NCS1: variants seen among roughly 807,000 people sequenced by gnomAD.
NCS1 encodes the protein neuronal calcium sensor 1, also known as frequenin homolog.
Under a neutral mutation model 28.4 loss-of-function variants are expected in NCS1, and 6 were observed. The observed-to-expected ratio is 0.21, with a 90% CI of 0.12 to 0.42. The LOEUF (loss-of-function observed/expected upper bound fraction) is 0.42. Among genes scored for constraint, NCS1 ranks in the 10% least tolerant of loss-of-function variants. The pLI is 1.00. For synonymous variants in NCS1, 86 were observed against 99.3 expected (o/e 0.87, Z 0.79); for missense variants, 131 against 241.4 (o/e 0.54, Z 3.03).
Position 130,172,444 on chromosome 9 carries a change from G to A in NCS1, c.-220G>A, listed in dbSNP as rs1554904138. The A allele has an allele frequency of 2.1e-5, 3 of 145,080 alleles. No individual in the cohort carries two copies. The highest frequency in any genetic ancestry group is 7.4e-5 in the African/African-American group (3 of 40,548). The allele number at this position is 145,080 out of a possible 1,614,324, so 9.0% of individuals were successfully genotyped here. ...CCGCGGCCACACCGCGCCGGCGCCG[G>A]CGCCCAGCCCAGGCAGCCCCGCGCC... On this transcript the variant is annotated 5_prime_UTR_variant, in exon 1 of 8. Coordinates refer to ENST00000372398, the MANE Select transcript of NCS1 (RefSeq NM_014286.4).
In NCS1 at chr9:130,223,091, G is replaced by A. The variant is rs1406411459; in HGVS notation, c.406G>A (p.Val136Met). The A allele has an allele frequency of 3.7e-6, 6 of 1,613,928 alleles. No individual in the cohort carries two copies. The highest frequency in any genetic ancestry group is 1.1e-5 in the South Asian group (1 of 91,064). Residue 136 changes from valine to methionine, a missense_variant, in exon 6 of 8, where the codon GTG becomes ATG. This residue lies in a region of NCS1 where 100 missense variants were observed against 210.3 expected (regional missense o/e 0.48). Coordinates refer to ENST00000372398, the MANE Select transcript of NCS1 (RefSeq NM_014286.4). ...DAIYQMVGNT[V>M]ELPEEENTPE... The stretch of plus-strand genomic sequence containing the variant: ...TTGTCCGTCCCTGCAGGGGAATACC[G>A]TGGAGCTCCCAGAGGAGGAGAACAC...
chr9:130,181,390 G>A lies in NCS1; in HGVS notation c.64+8663G>A, dbSNP rs1278661553. ...GTGGAGGATCTGCGAGCTGCAGCACGGGACGGTCAGGGGCTGTCACTGCGG... is the reference window on the plus strand; with the variant it reads ...GTGGAGGATCTGCGAGCTGCAGCACAGGACGGTCAGGGGCTGTCACTGCGG... On this transcript the variant is annotated intron_variant, in intron 1 of 7. Coordinates refer to ENST00000372398, the MANE Select transcript of NCS1 (RefSeq NM_014286.4). The surrounding 1 kb of genome is among the most constrained non-coding windows in gnomAD (Gnocchi z 5.0). Among the ~76,000 whole-genome samples the A allele has an allele frequency of 2.0e-5, 3 of 152,174 alleles. No homozygotes were observed. The highest frequency in any genetic ancestry group is 2.1e-4 in the South Asian group (1 of 4,826).
At chr9:130,230,304 C>T (rs374841586) in intron 7 of NCS1, among the ~76,000 whole-genome samples, 2 of 152,092 alleles carry the variant, frequency 1.3e-5, no homozygotes, top group East Asian at 3.9e-4. Context: ...TGAGCCAAAA[C>T]CACTCCACTG....
At chr9:130,213,625 G>A (rs1286748868) in intron 2 of NCS1, among the ~76,000 whole-genome samples, 12 of 119,928 alleles carry the variant, frequency 1.0e-4, no homozygotes, top group African/African-American at 3.9e-4. Context: ...TCACTTTATC[G>A]CCCAGGCTGG....
intron 6 of NCS1, among the ~76,000 whole-genome samples, 199 bp downstream of exon 6, chr9:130,223,358 T>C (rs1048205963): frequency 7.2e-5 from 11 of 151,998 alleles, no homozygotes; most frequent in Non-Finnish European, 1.5e-4. Flanking sequence ...TCAGCATGTT[T>C]TCTTTAATCA....
intron 7 of NCS1, among the ~76,000 whole-genome samples, chr9:130,231,666 G>A (rs538626686): frequency 1.4e-4 from 21 of 152,216 alleles, no homozygotes; most frequent in South Asian, 1.2e-3. Context: ...TTACAGACAT[G>A]AGCCACCTCA....
Position 130,222,664 on chromosome 9 carries a change from T to C in NCS1, c.322T>C (p.Tyr108His). 1 of 1,613,994 alleles carries C rather than the reference T, an allele frequency of 6.2e-7. No individual in the cohort carries two copies. Among genetic ancestry groups the C allele is most frequent in the Non-Finnish European group, 8.5e-7 (1 of 1,179,942 alleles). ...CTTGCTTACAGGGGCCTTCAAGCTC[T>C]ACGACTTGGACAATGATGGCTACAT... is the stretch of plus-strand genomic sequence containing the variant. ...DEKLRWAFKL[Y>H]DLDNDGYITR... is the part of the protein sequence containing the mutation. Residue 108 changes from tyrosine (Y) to histidine (H), a missense_variant, in exon 5 of 8, where the codon TAC becomes CAC. By Grantham distance (83) the Tyr-to-His change is moderately conservative. This residue lies in a region of NCS1 where 100 missense variants were observed against 210.3 expected (regional missense o/e 0.48). Coordinates refer to ENST00000372398, the MANE Select transcript of NCS1 (RefSeq NM_014286.4).
chr9:130,223,633 T>A (rs1306853485), intron 6 of NCS1, among the ~76,000 whole-genome samples: 1 of 152,138 alleles, frequency 6.6e-6, no homozygotes, highest in Non-Finnish European at 1.5e-5. Context: ...AGCTGTAATA[T>A]CTGCAGCAAC....
chr9:130,174,534 C>T (rs373303081), intron 1 of NCS1, among the ~76,000 whole-genome samples: 1 of 152,132 alleles, frequency 6.6e-6, no homozygotes, highest in Non-Finnish European at 1.5e-5. Context: ...CTTCAGAGCT[C>T]GTGCCAAGAG....
At position 130,200,565 on chromosome 9, in the gene NCS1, G is replaced by C. The variant is rs139805684; in HGVS notation, c.65-393G>C. On this transcript the variant is annotated intron_variant, in intron 1 of 7. Coordinates refer to ENST00000372398, the MANE Select transcript of NCS1 (RefSeq NM_014286.4). ...GGCAGCCGAGTGCCTGGGGAAGCCAGGGCCTTCCCTGACATCCCGTCCCCA... is the reference window on the plus strand; with the variant it reads ...GGCAGCCGAGTGCCTGGGGAAGCCACGGCCTTCCCTGACATCCCGTCCCCA... 5 of 1,551,670 alleles carry C rather than the reference G, an allele frequency of 3.2e-6. No homozygotes were observed. In the East Asian group the frequency reaches 1.2e-4, roughly 38 times the overall value.
chr9:130,181,690 C>T lies in NCS1; in HGVS notation c.64+8963C>T, dbSNP rs1046812575. ...CTGCTTGGTGGAGGTGCCAGGGAGC[C>T]GCCATGGAGGTGTGCAGGTGAGCGT... is the stretch of plus-strand genomic sequence containing the variant. On this transcript the variant is annotated intron_variant, in intron 1 of 7. Coordinates refer to ENST00000372398, the MANE Select transcript of NCS1 (RefSeq NM_014286.4). This position sits in a 1 kb window ranked among gnomAD's most constrained non-coding sequence, Gnocchi z 5.0. 6.6e-6 allele frequency among the ~76,000 whole-genome samples: 1 copy of T among 152,110 alleles called. No individual in the cohort carries two copies. The highest frequency in any genetic ancestry group is 1.5e-5 in the Non-Finnish European group (1 of 68,030).
intron 2 of NCS1, among the ~76,000 whole-genome samples, chr9:130,217,183 T>C (rs1432403514): frequency 6.6e-6 from 1 of 152,160 alleles, no homozygotes; most frequent in Non-Finnish European, 1.5e-5. Context: ...TGTCCTGGGA[T>C]TGGGAGTGCA....
At position 130,209,250 on chromosome 9, in the gene NCS1, C is replaced by T. The variant is rs1224101292; in HGVS notation, c.89+8268C>T. Among the ~76,000 whole-genome samples the T allele has an allele frequency of 1.3e-5, 2 of 152,212 alleles. No homozygotes were observed. The highest frequency in any genetic ancestry group is 2.4e-5 in the African/African-American group (1 of 41,460). ...CTTTTGCACTGCAGAGAGCAGCTGC[C>T]GCAGTATCATCAGCATGGCAGGAAA... On this transcript the variant is annotated intron_variant, in intron 2 of 7. Transcript: ENST00000372398. The surrounding 1 kb of genome is among the most constrained non-coding windows in gnomAD (Gnocchi z 4.4).
chr9:130,229,523 G>A (rs1462684377), intron 7 of NCS1, among the ~76,000 whole-genome samples: 2 of 152,122 alleles, frequency 1.3e-5, no homozygotes. Context: ...AAAGTGCTGG[G>A]ATTACAGGTG....
At position 130,191,310 on chromosome 9, in the gene NCS1, G is replaced by A. The variant is rs782442862; in HGVS notation, c.65-9648G>A. Among the ~76,000 whole-genome samples the A allele has an allele frequency of 6.6e-6, 1 of 152,116 alleles. No homozygotes were observed. The highest frequency in any genetic ancestry group is 2.4e-5 in the African/African-American group (1 of 41,442). ...TGCAGAGCGGTGAAGAGCAGCTCCC[G>A]GGAGCTGGGGCTGAAGGTTACCTGG... is the stretch of plus-strand genomic sequence containing the variant. On this transcript the variant is annotated intron_variant, in intron 1 of 7. Coordinates refer to ENST00000372398, the MANE Select transcript of NCS1 (RefSeq NM_014286.4). This position sits in a 1 kb window ranked among gnomAD's most constrained non-coding sequence, Gnocchi z 6.4.
intron 1 of NCS1, among the ~76,000 whole-genome samples, chr9:130,184,324 T>G (rs1832711411): frequency 6.6e-6 from 1 of 152,074 alleles, no homozygotes; most frequent in Non-Finnish European, 1.5e-5. Context: ...AGGCCTGGAT[T>G]CAAATCCCAA....
At chr9:130,204,198 T>G (rs1449108511) in intron 2 of NCS1, among the ~76,000 whole-genome samples, 2 of 152,150 alleles carry the variant, frequency 1.3e-5, no homozygotes, top group Non-Finnish European at 2.9e-5. Context: ...GGTTTCACCA[T>G]GTTGGCCAGG....
rs1186390695 is a variant in NCS1 at position 130,215,869 on chromosome 9, G to A, written c.90-1963G>A. Among the ~76,000 whole-genome samples the A allele has an allele frequency of 6.6e-6, 1 of 152,044 alleles. No homozygotes were observed. The highest frequency in any genetic ancestry group is 1.5e-5 in the Non-Finnish European group (1 of 68,010). ...GTGGGCACTGCTGGGACGGTCATGT[G>A]CCCGCTATGGTCTGACTCAAGAAGA... On this transcript the variant is annotated intron_variant, in intron 2 of 7. Coordinates refer to ENST00000372398, the MANE Select transcript of NCS1 (RefSeq NM_014286.4). The surrounding 1 kb of genome is among the most constrained non-coding windows in gnomAD (Gnocchi z 4.2).
In NCS1 at chr9:130,181,381, C is replaced by T. The variant is rs1300513440; in HGVS notation, c.64+8654C>T. On this transcript the variant is annotated intron_variant, in intron 1 of 7. Coordinates refer to ENST00000372398, the MANE Select transcript of NCS1 (RefSeq NM_014286.4). The surrounding 1 kb of genome is among the most constrained non-coding windows in gnomAD (Gnocchi z 5.0). The stretch of plus-strand genomic sequence containing the variant: ...CTGGTGGTGGTGGAGGATCTGCGAG[C>T]TGCAGCACGGGACGGTCAGGGGCTG... Among the ~76,000 whole-genome samples the T allele has an allele frequency of 6.6e-6, 1 of 152,184 alleles. No homozygotes were observed. Among genetic ancestry groups the T allele is most frequent in the Non-Finnish European group, 1.5e-5 (1 of 68,032 alleles).
Sources: gnomAD v4.1 joint callset for allele counts (sites outside exome capture counted in the v4.1 genomes callset) on GRCh38, gnomAD v4.1.1 for gene constraint, gnomAD v4.1.1 regional missense constraint, Gnocchi (gnomAD v3.1) non-coding constraint, MANE v1.5 for transcripts, NCBI Gene and HGNC (gene_info 2026-07-23, HGNC 2026-07-21) for gene names.